Variants in ADAMTS16 observed in about 807,000 individuals in gnomAD.
The protein encoded by ADAMTS16 is A disintegrin and metalloproteinase with thrombospondin motifs 16.
A neutral mutation model predicts 145.8 loss-of-function variants in ADAMTS16; 94 were observed. The observed-to-expected ratio is 0.64, with a 90% CI of 0.55 to 0.77. The LOEUF is 0.77. Among genes scored for constraint, ADAMTS16 ranks in the 30% least tolerant of loss-of-function variants. The pLI is 0.00. For synonymous variants in ADAMTS16, 659 were observed against 604.3 expected, an observed-to-expected ratio of 1.09 and a Z score of -1.33; for missense variants, 1,585 against 1,591.5, an observed-to-expected ratio of 1.00 and a Z score of 0.07.
At chr5:5,222,695 G>T (rs1736641421) in intron 10 of ADAMTS16, 94 bp from the exon 11 acceptor site, 2 of 1,047,544 alleles carry the variant, frequency 1.9e-6, no homozygotes, top group Non-Finnish European at 2.9e-6. Context: ...AATTATATCT[G>T]TTGTTTTCAC....
intron 20 of ADAMTS16, among the ~76,000 whole-genome samples, chr5:5,306,098 G>A (rs1740142222): frequency 1.3e-5 from 2 of 152,202 alleles, no homozygotes; most frequent in African/African-American, 2.4e-5. Flanking sequence ...TCTTCTACCT[G>A]CCCCAGCTTT....
In ADAMTS16 at chr5:5,317,542, C is replaced by T. The variant is rs1305619350; in HGVS notation, c.3412-592C>T. ...CCCAAGTAGCTGGGATTACAGGTGC[C>T]CACCACCAGGCCCAGCTAATTTTTT... On this transcript the variant is annotated intron_variant, in intron 21 of 22. Coordinates refer to ENST00000274181, the MANE Select transcript of ADAMTS16 (RefSeq NM_139056.4). This position sits in a 1 kb window ranked among gnomAD's most constrained non-coding sequence, Gnocchi z 4.5. 6.6e-6 allele frequency among the ~76,000 whole-genome samples: 1 copy of T among 151,936 alleles called. No homozygotes were observed. The highest frequency in any genetic ancestry group is 1.5e-5 in the Non-Finnish European group (1 of 67,998).
chr5:5,240,851 A>G (rs1356913816), intron 16 of ADAMTS16, among the ~76,000 whole-genome samples: 1 of 152,040 alleles, frequency 6.6e-6, no homozygotes, highest in Non-Finnish European at 1.5e-5. Flanking sequence ...TCCTTGATCA[A>G]TTTATCTTGA....
chr5:5,303,848 C>T lies in ADAMTS16; in HGVS notation c.3186+82C>T, dbSNP rs764578536. ...TCTTCTCTCCTGGTTTTTCTCTTCT[C>T]ACTTCTCTCTCTTCTCCCCTTATAT... On this transcript the variant is annotated intron_variant, in intron 20 of 22. Coordinates refer to ENST00000274181, the MANE Select transcript of ADAMTS16 (RefSeq NM_139056.4). The T allele has an allele frequency of 1.4e-5, 21 of 1,468,016 alleles. No homozygotes were observed. In the South Asian group the frequency reaches 2.4e-4, roughly 16 times the overall value. The allele number at this position is 1,468,016 out of a possible 1,614,324, so 90.9% of individuals were successfully genotyped here.
intron 3 of ADAMTS16, among the ~76,000 whole-genome samples, chr5:5,178,209 TG>T (rs1224035235): frequency 1.3e-5 from 2 of 152,164 alleles, no homozygotes; most frequent in Non-Finnish European, 2.9e-5. Context: ...GCAATATAAG[TG>T]TTTGGTGAGT....
chr5:5,175,301 C>G (rs1237636361), intron 3 of ADAMTS16, among the ~76,000 whole-genome samples: 2 of 152,156 alleles, frequency 1.3e-5, no homozygotes, highest in African/African-American at 4.8e-5. Context: ...GAAATGTCAT[C>G]TGGGAGCTAG....
At position 5,319,816 on chromosome 5, in the gene ADAMTS16, C is replaced by CT. The variant is rs754135197; in HGVS notation, c.*680dup. On this transcript the variant is annotated 3_prime_UTR_variant, in exon 23 of 23. Coordinates refer to ENST00000274181, the MANE Select transcript of ADAMTS16 (RefSeq NM_139056.4). ...GAAAAATGAAATTCCTGCTAAGGTG[C>CT]TTCTATCTCTTTCAGATTCATGCAT... The CT allele has an allele frequency of 2.2e-6, 1 of 452,506 alleles. No individual in the cohort carries two copies. Among genetic ancestry groups the CT allele is most frequent in the Non-Finnish European group, 4.4e-6 (1 of 226,002 alleles). 28.0% of individuals were successfully genotyped at this position (452,506 alleles called of 1,614,324 possible). A position where few individuals can be genotyped will look rare whatever the true frequency, so the allele number is the denominator to read the frequency against.
intron 10 of ADAMTS16, among the ~76,000 whole-genome samples, chr5:5,217,407 AAC>A (rs1407492371): frequency 2.0e-5 from 3 of 152,238 alleles, no homozygotes; most frequent in Non-Finnish European, 4.4e-5. Context: ...CATCAGAGTG[AAC>A]AGGTCATGAA....
At chr5:5,204,430 G>C (rs1025763287) in intron 9 of ADAMTS16, among the ~76,000 whole-genome samples, 1 of 152,116 alleles carries the variant, frequency 6.6e-6, no homozygotes, top group East Asian at 1.9e-4. Context: ...CTTCTATGCA[G>C]ATCAAGATAC....
intron 18 of ADAMTS16, among the ~76,000 whole-genome samples, chr5:5,294,476 GA>G (rs1455441496): frequency 6.6e-6 from 1 of 152,144 alleles, no homozygotes; most frequent in Non-Finnish European, 1.5e-5. Flanking sequence ...TTTTTTGGGG[GA>G]TACCTCCCTC....
intron 21 of ADAMTS16, among the ~76,000 whole-genome samples, chr5:5,307,553 G>C (rs1445450052): frequency 1.3e-5 from 2 of 152,192 alleles, no homozygotes; most frequent in Non-Finnish European, 2.9e-5. Flanking sequence ...CTCTCTCACT[G>C]TCTCGCCCAT....
intron 12 of ADAMTS16, 96 bp from the exon 13 acceptor site, chr5:5,234,918 T>C (rs1737051395): frequency 2.0e-6 from 2 of 1,003,126 alleles, no homozygotes; most frequent in East Asian, 3.2e-5. Flanking sequence ...TTACCCATTC[T>C]AACACTCTTA....
Position 5,240,213 on chromosome 5 carries a change from G to A in ADAMTS16, c.2523+288G>A, listed in dbSNP as rs563147727. 2.6e-5 allele frequency among the ~76,000 whole-genome samples: 4 copies of A among 152,210 alleles called. No individual in the cohort carries two copies. In the East Asian group the frequency reaches 7.7e-4, roughly 29 times the overall value. On this transcript the variant is annotated intron_variant, in intron 16 of 22. Coordinates refer to ENST00000274181, the MANE Select transcript of ADAMTS16 (RefSeq NM_139056.4). ...TGTAAGCTCGATGGCTGTGAGATGCGGCCACTCTTGGGGGAGGGAGGTGGG... is the reference window on the plus strand; with the variant it reads ...TGTAAGCTCGATGGCTGTGAGATGCAGCCACTCTTGGGGGAGGGAGGTGGG...
intron 9 of ADAMTS16, among the ~76,000 whole-genome samples, chr5:5,207,794 T>TC (rs573765329): frequency 4.3e-4 from 65 of 152,310 alleles, no homozygotes; most frequent in African/African-American, 1.5e-3. Flanking sequence ...GTGTGGTTTT[T>TC]CTTCTTTAGC....
chr5:5,311,201 C>T (rs1466770177), intron 21 of ADAMTS16, among the ~76,000 whole-genome samples: 1 of 151,306 alleles, frequency 6.6e-6, no homozygotes, highest in Non-Finnish European at 1.5e-5. Context: ...TCTGGCATCA[C>T]TCACACCCAC....
intron 8 of ADAMTS16, among the ~76,000 whole-genome samples, chr5:5,198,192 C>T (rs746645046): frequency 6.6e-6 from 1 of 152,176 alleles, no homozygotes; most frequent in Non-Finnish European, 1.5e-5. Flanking sequence ...CAAGGGCCAG[C>T]CAGCGGAGGG....
chr5:5,228,586 G>A (rs368396818), intron 11 of ADAMTS16, among the ~76,000 whole-genome samples: 1 of 152,030 alleles, frequency 6.6e-6, no homozygotes, highest in South Asian at 2.1e-4. Context: ...AACAGATTAA[G>A]AGGCTGTAGC....
intron 3 of ADAMTS16, among the ~76,000 whole-genome samples, chr5:5,167,499 A>T (rs1734914564): frequency 2.0e-5 from 3 of 152,156 alleles, no homozygotes; most frequent in Non-Finnish European, 4.4e-5. Flanking sequence ...GGTTGTTCTT[A>T]GTTCAGATGT....
At chr5:5,305,561 C>CAT (rs1491301986) in intron 20 of ADAMTS16, among the ~76,000 whole-genome samples, 3 of 60,194 alleles carry the variant, frequency 5.0e-5, no homozygotes, top group African/African-American at 1.6e-4. Flanking sequence ...CACACACACA[C>CAT]GTCAGAGCTT....
Sources: gnomAD v4.1 joint callset for allele counts (sites outside exome capture counted in the v4.1 genomes callset) on GRCh38, gnomAD v4.1.1 for gene constraint, Gnocchi (gnomAD v3.1) non-coding constraint, MANE v1.5 for transcripts, NCBI Gene and HGNC (gene_info 2026-07-23, HGNC 2026-07-21) for gene names.